The following CHST11 variants were observed in gnomAD, a reference collection of about 807,000 sequenced individuals.
CHST11 encodes C4S-1.
CHST11 carries 9 observed loss-of-function variants against 30.4 expected under a neutral mutation model. The ratio of observed to expected loss-of-function variants is 0.30; its 90% CI spans 0.18 to 0.52. The LOEUF (loss-of-function observed/expected upper bound fraction) is 0.52, where lower values mean the gene tolerates loss of function less well. Among genes scored for constraint, CHST11 ranks in the 20% least tolerant of loss-of-function variants. The pLI is 0.97. For synonymous variants in CHST11, 152 were observed against 187.8 expected (o/e 0.81, Z 1.56); for missense variants, 348 against 460.6 (o/e 0.76, Z 2.24).
At chr12:104,648,213 T>C (rs2039454111) in intron 2 of CHST11, among the ~76,000 whole-genome samples, 1 of 152,236 alleles carries the variant, frequency 6.6e-6, no homozygotes, top group South Asian at 2.1e-4. Context: ...GTATCTATAT[T>C]GTTTCCACTG....
At chr12:104,678,525 A>C (rs2039764051) in intron 2 of CHST11, among the ~76,000 whole-genome samples, 1 of 152,264 alleles carries the variant, frequency 6.6e-6, no homozygotes, top group Non-Finnish European at 1.5e-5. Context: ...TCCATTTTAC[A>C]GATGAGGAAA....
At chr12:104,704,872 A>C (rs1219908130) in intron 2 of CHST11, among the ~76,000 whole-genome samples, 1 of 152,072 alleles carries the variant, frequency 6.6e-6, no homozygotes, top group Admixed American at 6.5e-5. Flanking sequence ...TTGGCCCCTC[A>C]GTACTCCTCC....
rs139638183 is a variant in CHST11, at chr12:104,460,277, G to A, written c.118+2748G>A. On this transcript the variant is annotated intron_variant, in intron 1 of 2. Transcript: ENST00000303694. ...TTGGAGGCCTCTGGCAGGGGTTCCA[G>A]ATACCTACATGTGAAATAGAAAAAT... is the stretch of plus-strand genomic sequence containing the variant. Among the ~76,000 whole-genome samples, 296 of 152,296 alleles carry A rather than the reference G, an allele frequency of 1.9e-3. 2 individuals carry two copies. The highest frequency in any genetic ancestry group is 3.2e-3 in the Non-Finnish European group (216 of 68,026).
intron 2 of CHST11, among the ~76,000 whole-genome samples, chr12:104,689,377 C>T (rs1015142725): frequency 6.6e-6 from 1 of 152,198 alleles, no homozygotes; most frequent in Non-Finnish European, 1.5e-5. Flanking sequence ...TATCCCATAG[C>T]AGGCAGACGC....
At chr12:104,706,501 C>T (rs1290757697) in intron 2 of CHST11, among the ~76,000 whole-genome samples, 1 of 150,964 alleles carries the variant, frequency 6.6e-6, no homozygotes, top group African/African-American at 2.4e-5. Context: ...ATAGAGTGGT[C>T]AGCGAAGGCT....
chr12:104,551,644 A>T (rs1366761759), intron 1 of CHST11, among the ~76,000 whole-genome samples: 1 of 152,152 alleles, frequency 6.6e-6, no homozygotes, highest in Non-Finnish European at 1.5e-5. Context: ...CAGCTGTCAG[A>T]TTCCTCGAAG....
At chr12:104,632,839 C>T (rs1306093057) in intron 2 of CHST11, among the ~76,000 whole-genome samples, 1 of 152,232 alleles carries the variant, frequency 6.6e-6, no homozygotes, top group African/African-American at 2.4e-5. Flanking sequence ...ACTGGTTTCC[C>T]AGTACACTGA....
intron 1 of CHST11, among the ~76,000 whole-genome samples, chr12:104,515,378 G>A (rs1315214800): frequency 6.6e-6 from 1 of 152,226 alleles, no homozygotes; most frequent in Non-Finnish European, 1.5e-5. Context: ...TAGGACAGTG[G>A]TTATTGTTCA....
chr12:104,470,727 T>C (rs978938438), intron 1 of CHST11, among the ~76,000 whole-genome samples: 1 of 152,186 alleles, frequency 6.6e-6, no homozygotes, highest in South Asian at 2.1e-4. Flanking sequence ...ACCAATCCCA[T>C]TATACAGGTG....
intron 1 of CHST11, among the ~76,000 whole-genome samples, chr12:104,512,818 T>C (rs1475003544): frequency 6.6e-6 from 1 of 152,122 alleles, no homozygotes; most frequent in Non-Finnish European, 1.5e-5. Context: ...AGAACCCAAC[T>C]GGAGGTGCCA....
At chr12:104,699,708 A>G (rs1034435627) in intron 2 of CHST11, among the ~76,000 whole-genome samples, 3 of 152,190 alleles carry the variant, frequency 2.0e-5, no homozygotes, top group Admixed American at 6.5e-5. Flanking sequence ...CACTTCTCTT[A>G]TATCTGTAAT....
chr12:104,649,028 C>T (rs1025214376), intron 2 of CHST11, among the ~76,000 whole-genome samples: 4 of 152,160 alleles, frequency 2.6e-5, no homozygotes, highest in African/African-American at 7.2e-5. Context: ...GCTGGTTCCT[C>T]CTGTTGGCCA....
At chr12:104,614,929 GAT>G (rs2039095312) in intron 2 of CHST11, among the ~76,000 whole-genome samples, 1 of 152,152 alleles carries the variant, frequency 6.6e-6, no homozygotes, top group Non-Finnish European at 1.5e-5. Context: ...CCTCTTCTTG[GAT>G]AGAGAGGATA....
At chr12:104,570,952 A>C (rs2038618381) in intron 1 of CHST11, among the ~76,000 whole-genome samples, 3 of 152,094 alleles carry the variant, frequency 2.0e-5, no homozygotes, top group Non-Finnish European at 4.4e-5. Flanking sequence ...TGGCCTCCCA[A>C]AGTGCTGGAA....
chr12:104,508,098 G>A (rs2037924564), intron 1 of CHST11, among the ~76,000 whole-genome samples: 1 of 152,144 alleles, frequency 6.6e-6, no homozygotes, highest in Admixed American at 6.5e-5. Flanking sequence ...ACCCAGATTA[G>A]GAATTCTTTT....
At chr12:104,673,186 C>T (rs1010748610) in intron 2 of CHST11, among the ~76,000 whole-genome samples, 3 of 152,188 alleles carry the variant, frequency 2.0e-5, no homozygotes, top group Non-Finnish European at 2.9e-5. Flanking sequence ...TACCCACACA[C>T]TCCAGGATAA....
chr12:104,502,258 G>C (rs1224356927), intron 1 of CHST11, among the ~76,000 whole-genome samples: 3 of 152,046 alleles, frequency 2.0e-5, no homozygotes, highest in Non-Finnish European at 4.4e-5. Flanking sequence ...TGTTGCCAAG[G>C]CTGGTCTTGA....
At chr12:104,693,281 C>A (rs2039914908) in intron 2 of CHST11, among the ~76,000 whole-genome samples, 1 of 152,208 alleles carries the variant, frequency 6.6e-6, no homozygotes, top group African/African-American at 2.4e-5. Flanking sequence ...GAAGGGGTCA[C>A]AGATCAGCGC....
intron 1 of CHST11, among the ~76,000 whole-genome samples, chr12:104,476,773 T>C (rs2037567163): frequency 6.6e-6 from 1 of 151,860 alleles, no homozygotes. Flanking sequence ...CTCCTTTGAT[T>C]AAGCTGTCAT....
Sources: gnomAD v4.1 joint callset for allele counts (sites outside exome capture counted in the v4.1 genomes callset) on GRCh38, gnomAD v4.1.1 for gene constraint, MANE v1.5 for transcripts, NCBI Gene and HGNC (gene_info 2026-07-23, HGNC 2026-07-21) for gene names.